The following HHAT variants were observed in gnomAD, a reference collection of about 807,000 sequenced individuals.
The protein encoded by HHAT is protein-cysteine N-palmitoyltransferase HHAT.
HHAT carries 47 observed loss-of-function variants against 70.8 expected under a neutral mutation model. That is an observed-to-expected ratio of 0.66 (90% CI 0.53 to 0.85). The LOEUF is 0.85. Among genes scored for constraint, HHAT ranks in the 40% least tolerant of loss-of-function variants. The pLI is 0.00. For missense variants in HHAT, 609 were observed against 604.8 expected, an observed-to-expected ratio of 1.01 and a Z score of -0.07; for synonymous variants, 228 against 247.6, an observed-to-expected ratio of 0.92 and a Z score of 0.74.
intron 8 of HHAT, among the ~76,000 whole-genome samples, chr1:210,491,064 A>AGAGT (rs71785485): frequency 2.8e-4 from 10 of 36,182 alleles, no homozygotes; most frequent in Non-Finnish European, 4.4e-4. Context: ...ACACACACAT[A>AGAGT]GTGTGTGTGT....
rs1182101250 is a variant in HHAT at position 210,518,715 on chromosome 1, C to A, written c.1043+5527C>A. Among the ~76,000 whole-genome samples the A allele has an allele frequency of 2.0e-5, 3 of 152,072 alleles. No individual in the cohort carries two copies. The East Asian group carries it at 5.8e-4, about 29-fold the overall frequency. On this transcript the variant is annotated intron_variant, in intron 9 of 11. Transcript: ENST00000261458. ...GGCTGAGGCATGAGAATCTTTTGAA[C>A]CTGGGAGGCGGAGGTTGCAGTGAGC...
At chr1:210,616,639 C>G (rs1046190387) in intron 10 of HHAT, among the ~76,000 whole-genome samples, 1 of 152,188 alleles carries the variant, frequency 6.6e-6, no homozygotes, top group Non-Finnish European at 1.5e-5. Context: ...AGGCAAAGAT[C>G]TTGAAGGTTG....
chr1:210,547,204 C>T (rs2095491198), intron 9 of HHAT, among the ~76,000 whole-genome samples: 1 of 151,654 alleles, frequency 6.6e-6, no homozygotes, highest in Non-Finnish European at 1.5e-5. Flanking sequence ...TGGCGAGCGC[C>T]TGTAATCCCA....
chr1:210,604,144 A>G (rs1238303332), intron 10 of HHAT, among the ~76,000 whole-genome samples: 4 of 152,248 alleles, frequency 2.6e-5, no homozygotes, highest in South Asian at 2.1e-4. Context: ...CAGTGGTGCA[A>G]TCTAGGCTCA....
At chr1:210,617,217 G>A (rs1367726336) in intron 10 of HHAT, among the ~76,000 whole-genome samples, 1 of 152,372 alleles carries the variant, frequency 6.6e-6, no homozygotes, top group South Asian at 2.1e-4. Context: ...CCCATGTTAT[G>A]TTTGGGGAAC....
At chr1:210,587,819 C>A in intron 9 of HHAT, 79 bp from the exon 10 acceptor site, 1 of 1,026,348 alleles carries the variant, frequency 9.7e-7, no homozygotes, top group Non-Finnish European at 1.5e-6. Context: ...CAGTATGTGA[C>A]AGGATAGTCA....
chr1:210,385,279 T>C (rs2148132066), intron 3 of HHAT, among the ~76,000 whole-genome samples: 1 of 151,814 alleles, frequency 6.6e-6, no homozygotes, highest in Non-Finnish European at 1.5e-5. Flanking sequence ...TTTTTGAGTT[T>C]GTATTAAAAA....
chr1:210,393,912 A>T (rs959892543), intron 4 of HHAT, among the ~76,000 whole-genome samples: 1 of 152,178 alleles, frequency 6.6e-6, no homozygotes, highest in Admixed American at 6.5e-5. Context: ...CGTTGGCCTC[A>T]TTAGCTCTCT....
At chr1:210,618,141 A>G (rs1368209145) in intron 10 of HHAT, among the ~76,000 whole-genome samples, 1 of 152,146 alleles carries the variant, frequency 6.6e-6, no homozygotes, top group Non-Finnish European at 1.5e-5. Context: ...ATGACTGAAT[A>G]TTTTGAGAAG....
intron 9 of HHAT, among the ~76,000 whole-genome samples, chr1:210,551,258 G>A (rs2095525196): frequency 6.7e-6 from 1 of 148,836 alleles, no homozygotes; most frequent in African/African-American, 2.5e-5. Context: ...AGCCCAGGGA[G>A]AGAGGGGATG....
chr1:210,623,807 G>A, intron 11 of HHAT, 137 bp downstream of exon 11: 1 of 933,600 alleles, frequency 1.1e-6, no homozygotes, highest in South Asian at 1.7e-5. Context: ...TAAAGTACCA[G>A]CCAGGAATAA....
chr1:210,368,800 G>A (rs1402942654), intron 3 of HHAT, among the ~76,000 whole-genome samples: 3 of 150,786 alleles, frequency 2.0e-5, no homozygotes, highest in African/African-American at 4.9e-5. Flanking sequence ...ATTCTTGGTC[G>A]GGCACAGTGG....
rs958026149 is a variant in HHAT at position 210,372,238 on chromosome 1, C to T, written c.159+9319C>T. Among the ~76,000 whole-genome samples, 8 of 152,242 alleles carry T rather than the reference C, an allele frequency of 5.3e-5. No individual in the cohort carries two copies. In the East Asian group the frequency reaches 9.7e-4, roughly 18 times the overall value. On this transcript the variant is annotated intron_variant, in intron 3 of 11. Coordinates refer to ENST00000261458, the MANE Select transcript of HHAT (RefSeq NM_018194.6). Reference sequence around the variant, plus strand: ...TTCCATATGTATGATTGTCCCTAGTCGGTGTAGCCAAAAATTGCTGGGAGA... The same window carrying T: ...TTCCATATGTATGATTGTCCCTAGTTGGTGTAGCCAAAAATTGCTGGGAGA...
At chr1:210,627,371 G>A (rs114931209) in intron 11 of HHAT, among the ~76,000 whole-genome samples, 12 of 152,258 alleles carry the variant, frequency 7.9e-5, no homozygotes, top group Admixed American at 2.6e-4. Context: ...TGGAAAAGTT[G>A]TCTTAAAATT....
intron 11 of HHAT, among the ~76,000 whole-genome samples, chr1:210,658,874 G>A (rs1677030339): frequency 6.6e-6 from 1 of 152,202 alleles, no homozygotes; most frequent in Non-Finnish European, 1.5e-5. Flanking sequence ...AAGCAAAGAT[G>A]TTCTTTGAAA....
intron 1 of HHAT, among the ~76,000 whole-genome samples, chr1:210,334,303 G>A (rs1040203839): frequency 6.6e-6 from 1 of 150,756 alleles, no homozygotes; most frequent in Non-Finnish European, 1.5e-5. Context: ...CTACTGGCAT[G>A]CAACACCATT....
chr1:210,617,662 C>A (rs370344393), intron 10 of HHAT, among the ~76,000 whole-genome samples: 3 of 152,204 alleles, frequency 2.0e-5, no homozygotes, highest in African/African-American at 7.2e-5. Flanking sequence ...GATTTAAATG[C>A]TAAACTTTGG....
chr1:210,496,965 C>G (rs2094656962), intron 8 of HHAT, among the ~76,000 whole-genome samples: 1 of 152,206 alleles, frequency 6.6e-6, no homozygotes, highest in Non-Finnish European at 1.5e-5. Context: ...CACTTCAAAT[C>G]TGTGGCCATA....
intron 7 of HHAT, among the ~76,000 whole-genome samples, chr1:210,452,660 C>T (rs1197967500): frequency 6.6e-6 from 1 of 152,134 alleles, no homozygotes; most frequent in African/African-American, 2.4e-5. Context: ...TAGGCAGAGC[C>T]TAGGATTAAG....
Sources: allele counts gnomAD v4.1 joint callset (sites outside exome capture counted in the v4.1 genomes callset), GRCh38; gene constraint gnomAD v4.1.1; transcripts MANE v1.5; gene names NCBI Gene and HGNC (gene_info 2026-07-23, HGNC 2026-07-21).